The following BICRA variants were observed in gnomAD, a reference collection of about 807,000 sequenced individuals.
The protein encoded by BICRA is BRD4-interacting chromatin-remodeling complex-associated protein.
Under a neutral mutation model 96.9 loss-of-function variants are expected in BICRA, and 31 were observed. The ratio of observed to expected loss-of-function variants is 0.32; its 90% CI spans 0.24 to 0.43. The LOEUF (loss-of-function observed/expected upper bound fraction) is 0.43. Among genes scored for constraint, BICRA ranks in the 20% least tolerant of loss-of-function variants. The pLI is 1.00. For missense variants in BICRA, 2,283 were observed against 2,190.3 expected (o/e 1.04, Z -0.84); for synonymous variants, 1,350 against 1,071.8 (o/e 1.26, Z -5.07).
intron 10 of BICRA, 90 bp downstream of exon 10, chr19:47,695,564 A>G: frequency 1.5e-6 from 1 of 674,558 alleles, no homozygotes; most frequent in Non-Finnish European, 2.7e-6. Flanking sequence ...AGACACTGGA[A>G]GACGCGGACA....
In BICRA at chr19:47,680,893, G is replaced by A. The variant is rs1425679406; in HGVS notation, c.1723G>A (p.Ala575Thr). 20 of 1,483,572 alleles carry A rather than the reference G, an allele frequency of 1.3e-5. No individual in the cohort carries two copies. Among genetic ancestry groups the A allele is most frequent in the South Asian group, 2.7e-5 (2 of 74,326 alleles). The allele number at this position is 1,483,572 out of a possible 1,614,324, so 91.9% of individuals were successfully genotyped here. A position where few individuals can be genotyped will look rare whatever the true frequency, so the allele number is the denominator to read the frequency against. Residue 575 changes from alanine to threonine, a missense_variant, in exon 6 of 15, where the codon GCC (alanine) becomes ACC (threonine). By Grantham distance (58) the Ala-to-Thr change is moderately conservative. Transcript: ENST00000594866. ...GCCCACGCAGAGCCAGCCAGCGCCC[G>A]CCGGGCCGGCCGCCACCACTGTCCT... ...SLPTQSQPAP[A>T]GPAATTVLQG...
intron 7 of BICRA, among the ~76,000 whole-genome samples, chr19:47,686,716 C>T (rs1025006383): frequency 6.6e-6 from 1 of 152,160 alleles, no homozygotes; most frequent in Non-Finnish European, 1.5e-5. Context: ...GGTTCCAACT[C>T]CCTAAGATGA....
Position 47,675,936 on chromosome 19 carries a change from A to C in BICRA, c.150+20A>C. ...CCTGGGGTAAGTGCCGTGGCTCCCG[A>C]TCATTGCCTGAGCTGTTGGGGCTGC... On this transcript the variant is annotated intron_variant, in intron 5 of 14. Transcript: ENST00000594866. This position sits in a 1 kb window ranked among gnomAD's most constrained non-coding sequence, Gnocchi z 4.7. The C allele has an allele frequency of 6.4e-7, 1 of 1,570,512 alleles. No individual in the cohort carries two copies. The highest frequency in any genetic ancestry group is 1.1e-5 in the South Asian group (1 of 87,806).
rs983537376 is a variant in BICRA, at chr19:47,680,386, G to A, written c.1216G>A (p.Gly406Ser). The A allele has an allele frequency of 2.6e-6, 4 of 1,532,188 alleles. No homozygotes were observed. The African/African-American group carries it at 5.5e-5, about 21-fold the overall frequency. 94.9% of individuals were successfully genotyped at this position (1,532,188 alleles called of 1,614,324 possible). The part of the protein sequence containing the change: ...NLTFMAAGKA[G>S]QNVVLSGFPA... Reference sequence around the variant, plus strand: ...GACGTTCATGGCGGCGGGGAAGGCGGGCCAGAACGTGGTGCTGTCGGGCTT... The same window carrying A: ...GACGTTCATGGCGGCGGGGAAGGCGAGCCAGAACGTGGTGCTGTCGGGCTT... Residue 406 changes from glycine to serine, a missense_variant, in exon 6 of 15, where the codon GGC becomes AGC. By Grantham distance (56) the Gly-to-Ser change is moderately conservative. Transcript: ENST00000594866.
chr19:47,695,361 C>CCCCCCCA lies in BICRA; in HGVS notation c.3077-3_3077-2insCCCCCAC. 1 of 1,156,766 alleles carries CCCCCCCA rather than the reference C, an allele frequency of 8.6e-7. No individual in the cohort carries two copies. Among genetic ancestry groups the CCCCCCCA allele is most frequent in the Non-Finnish European group, 1.3e-6 (1 of 798,760 alleles). The allele number at this position is 1,156,766 out of a possible 1,614,324, so 71.7% of individuals were successfully genotyped here. A position where few individuals can be genotyped will look rare whatever the true frequency, so the allele number is the denominator to read the frequency against. ...CCTGTCTCCCCCACCCCACCCACCCCCAGGCCTCCCTCCTCTGCTTCCAGC... is the reference window on the plus strand; with the variant it reads ...CCTGTCTCCCCCACCCCACCCACCCCCCCCCCACAGGCCTCCCTCCTCTGCTTCCAGC... On this transcript the variant is annotated splice_polypyrimidine_tract_variant and splice_region_variant and intron_variant, in intron 9 of 14. Transcript: ENST00000594866.
At chr19:47,668,419 G>A (rs942843300) in intron 1 of BICRA, among the ~76,000 whole-genome samples, 1 of 151,896 alleles carries the variant, frequency 6.6e-6, no homozygotes, top group Non-Finnish European at 1.5e-5. Flanking sequence ...TCTTGTTTCA[G>A]CTCAAATTGC....
At chr19:47,647,670 G>A (rs1972480478) in intron 1 of BICRA, among the ~76,000 whole-genome samples, 1 of 152,104 alleles carries the variant, frequency 6.6e-6, no homozygotes, top group Admixed American at 6.6e-5. Flanking sequence ...CTTCCCGGGT[G>A]AGGATTGGAA....
rs528907829 is a variant in BICRA, at chr19:47,682,233, C to T, written c.2283+81C>T. On this transcript the variant is annotated intron_variant, in intron 7 of 14. Transcript: ENST00000594866. ...GCCCGCTCTCCCGCTCCTCGCTCTC[C>T]GCCCTGCCTGCGTCTCTGTTCTGCT... is the stretch of plus-strand genomic sequence containing the variant. 172 of 626,706 alleles carry T rather than the reference C, an allele frequency of 2.7e-4. 1 individual carries two copies. In the South Asian group the frequency reaches 3.1e-3, roughly 11 times the overall value. 38.8% of individuals were successfully genotyped at this position (626,706 alleles called of 1,614,324 possible).
chr19:47,697,953 T>C (rs2123611915), intron 11 of BICRA, among the ~76,000 whole-genome samples: 1 of 152,204 alleles, frequency 6.6e-6, no homozygotes, highest in East Asian at 1.9e-4. Flanking sequence ...ACAATCCTTC[T>C]GCCTCGGCCC....
chr19:47,689,701 A>AC (rs1191214066), intron 7 of BICRA, among the ~76,000 whole-genome samples: 1 of 152,224 alleles, frequency 6.6e-6, no homozygotes, highest in African/African-American at 2.4e-5. Flanking sequence ...GGCGTGAGCC[A>AC]CCACGCCTGG....
In BICRA at chr19:47,632,234, C is replaced by T. The variant is rs1002917629; in HGVS notation, c.-108+23066C>T. 6.6e-5 allele frequency among the ~76,000 whole-genome samples: 10 copies of T among 152,216 alleles called. No individual in the cohort carries two copies. In the East Asian group the frequency reaches 1.7e-3, roughly 26 times the overall value. Reference sequence around the variant, plus strand: ...AGGCAAAAGGGAGCGAGCATTTAGACTTTGGTGGCCCCGCCAAGTTGCATT... The same window carrying T: ...AGGCAAAAGGGAGCGAGCATTTAGATTTTGGTGGCCCCGCCAAGTTGCATT... On this transcript the variant is annotated intron_variant, in intron 1 of 14. Coordinates refer to ENST00000594866, the MANE Select transcript of BICRA (RefSeq NM_001394372.1).
At chr19:47,664,389 T>G (rs1333061693) in intron 1 of BICRA, among the ~76,000 whole-genome samples, 1 of 152,204 alleles carries the variant, frequency 6.6e-6, no homozygotes, top group African/African-American at 2.4e-5. Flanking sequence ...GGCTGTTCTC[T>G]GGAGCTGGTT....
At position 47,702,684 on chromosome 19, in the gene BICRA, C is replaced by A. The variant is rs989863372; in HGVS notation, c.*269C>A. On this transcript the variant is annotated 3_prime_UTR_variant, in exon 15 of 15. Transcript: ENST00000594866. ...TGCTGTGTCAGTTCCTGTTTCTTCC[C>A]ATTTCCTGGCACACTCTGCCCCTCT... 2.0e-6 allele frequency: 1 copy of A among 490,740 alleles called. No individual in the cohort carries two copies. Among genetic ancestry groups the A allele is most frequent in the East Asian group, 3.8e-5 (1 of 26,220 alleles). The allele number at this position is 490,740 out of a possible 1,614,324, so 30.4% of individuals were successfully genotyped here. A position where few individuals can be genotyped will look rare whatever the true frequency, so the allele number is the denominator to read the frequency against.
At chr19:47,657,906 G>A (rs566136451) in intron 1 of BICRA, among the ~76,000 whole-genome samples, 1 of 140,122 alleles carries the variant, frequency 7.1e-6, no homozygotes, top group Admixed American at 7.6e-5. Context: ...GTAGGTCAGT[G>A]TCCCTCTTAT....
chr19:47,620,949 G>T (rs994058575), intron 1 of BICRA, among the ~76,000 whole-genome samples: 4 of 152,056 alleles, frequency 2.6e-5, no homozygotes, highest in Non-Finnish European at 5.9e-5. Flanking sequence ...AGCCCCACTC[G>T]ATCTCTGTCT....
In BICRA at chr19:47,699,110, C is replaced by T; in HGVS notation, c.3492+51C>T. On this transcript the variant is annotated intron_variant, in intron 13 of 14. Transcript: ENST00000594866. The surrounding 1 kb of genome is among the most constrained non-coding windows in gnomAD (Gnocchi z 5.0). The stretch of plus-strand genomic sequence containing the variant: ...CTCTGGGCTCCTCCTCGCTGGGACA[C>T]TGCCCCTTTCCCTCACCCGCTCTGG... 7.9e-7 allele frequency: 1 copy of T among 1,264,164 alleles called. No homozygotes were observed. The highest frequency in any genetic ancestry group is 1.1e-6 in the Non-Finnish European group (1 of 889,034). The allele number at this position is 1,264,164 out of a possible 1,614,324, so 78.3% of individuals were successfully genotyped here. A position where few individuals can be genotyped will look rare whatever the true frequency, so the allele number is the denominator to read the frequency against.
chr19:47,647,358 G>C (rs1037881871), intron 1 of BICRA, among the ~76,000 whole-genome samples: 1 of 152,164 alleles, frequency 6.6e-6, no homozygotes, highest in African/African-American at 2.4e-5. Context: ...ACTGAGACCA[G>C]CCAGACTCTT....
In BICRA at chr19:47,679,598, C is replaced by T. The variant is rs913821095; in HGVS notation, c.428C>T (p.Pro143Leu). The T allele has an allele frequency of 5.2e-6, 8 of 1,532,528 alleles. No individual in the cohort carries two copies. The African/African-American group carries it at 8.3e-5, about 16-fold the overall frequency. 94.9% of individuals were successfully genotyped at this position (1,532,528 alleles called of 1,614,324 possible). The change falls in exon 6 of 15, where the codon CCG (proline) becomes CTG (leucine). Residue 143 changes from proline (P) to leucine (L), a missense_variant. Coordinates refer to ENST00000594866, the MANE Select transcript of BICRA (RefSeq NM_001394372.1). The part of the protein sequence containing the change: ...TLQPADGGAG[P>L]TGAGGAAAVA... Reference sequence around the variant, plus strand: ...CAGCCTGCGGATGGCGGGGCAGGCCCGACGGGCGCTGGAGGGGCAGCGGCC... The same window carrying T: ...CAGCCTGCGGATGGCGGGGCAGGCCTGACGGGCGCTGGAGGGGCAGCGGCC...
In BICRA at chr19:47,675,431, G is replaced by C. The variant is rs138211874; in HGVS notation, c.85-420G>C. Among the ~76,000 whole-genome samples the C allele has an allele frequency of 1.4e-4, 21 of 152,336 alleles. No homozygotes were observed. The highest frequency in any genetic ancestry group is 4.8e-4 in the African/African-American group (20 of 41,570). The stretch of plus-strand genomic sequence containing the variant: ...GGCTTGTCAGGTGCCCGGATGGTAG[G>C]TGTGCCAGGCACTCAGGCTGCGTTG... On this transcript the variant is annotated intron_variant, in intron 4 of 14. Coordinates refer to ENST00000594866, the MANE Select transcript of BICRA (RefSeq NM_001394372.1). This position sits in a 1 kb window ranked among gnomAD's most constrained non-coding sequence, Gnocchi z 4.7.
Sources: gnomAD v4.1 joint callset for allele counts (sites outside exome capture counted in the v4.1 genomes callset) on GRCh38, gnomAD v4.1.1 for gene constraint, Gnocchi (gnomAD v3.1) non-coding constraint, MANE v1.5 for transcripts, NCBI Gene and HGNC (gene_info 2026-07-23, HGNC 2026-07-21) for gene names.